Variants in CNTNAP2 observed in about 807,000 individuals in gnomAD.
CNTNAP2 encodes the protein contactin-associated protein-like 2.
In CNTNAP2, 98 loss-of-function variants were observed where a neutral mutation model predicts 155.2. That is an observed-to-expected ratio of 0.63 (90% confidence interval 0.54 to 0.75). The LOEUF (loss-of-function observed/expected upper bound fraction) is 0.75, where lower values mean the gene tolerates loss of function less well. CNTNAP2 is among the 30% of genes least tolerant of loss of function. CNTNAP2 has a pLI of 0.00. For missense variants in CNTNAP2, 1,727 were observed against 1,688.1 expected (o/e 1.02, Z -0.40); for synonymous variants, 651 against 631.2 (o/e 1.03, Z -0.47).
intron 9 of CNTNAP2, among the ~76,000 whole-genome samples, chr7:147,381,932 A>C (rs1769538956): frequency 6.6e-6 from 1 of 152,028 alleles, no homozygotes; most frequent in Non-Finnish European, 1.5e-5. Context: ...TCCATGTATA[A>C]AAATAACATT....
At chr7:146,305,151 T>C (rs1199029649) in intron 1 of CNTNAP2, among the ~76,000 whole-genome samples, 1 of 152,132 alleles carries the variant, frequency 6.6e-6, no homozygotes, top group African/African-American at 2.4e-5. Context: ...CTACACTGTT[T>C]ATTCTAATTA....
chr7:147,587,200 C>T (rs1800646054), intron 12 of CNTNAP2, among the ~76,000 whole-genome samples: 1 of 152,166 alleles, frequency 6.6e-6, no homozygotes, highest in African/African-American at 2.4e-5. Context: ...AATGCAGGGT[C>T]AGCACTTGTG....
rs899377794 is a variant in CNTNAP2, at chr7:146,695,777, T to C, written c.98-78494T>C. Reference sequence around the variant, plus strand: ...CATATATTTAGCATGTACAACATGATGTTTTAAATATGCATATTTTGTTGA... The same window carrying C: ...CATATATTTAGCATGTACAACATGACGTTTTAAATATGCATATTTTGTTGA... On this transcript the variant is annotated intron_variant, in intron 1 of 23. Transcript: ENST00000361727. Among the ~76,000 whole-genome samples, 26 of 152,138 alleles carry C rather than the reference T, an allele frequency of 1.7e-4. 1 individual carries two copies. The highest frequency in any genetic ancestry group is 6.3e-4 in the African/African-American group (26 of 41,452).
chr7:146,671,593 T>C (rs1269256930), intron 1 of CNTNAP2, among the ~76,000 whole-genome samples: 1 of 152,084 alleles, frequency 6.6e-6, no homozygotes, highest in African/African-American at 2.4e-5. Flanking sequence ...GCTTCAAATT[T>C]CCCATACATA....
chr7:147,330,451 G>A (rs1453821797), intron 9 of CNTNAP2, among the ~76,000 whole-genome samples: 3 of 152,180 alleles, frequency 2.0e-5, no homozygotes, highest in African/African-American at 7.2e-5. Context: ...CCCTAGGAGA[G>A]GTTTGTGAGA....
chr7:148,149,417 C>T (rs1301517047), intron 17 of CNTNAP2, among the ~76,000 whole-genome samples: 1 of 152,048 alleles, frequency 6.6e-6, no homozygotes, highest in Non-Finnish European at 1.5e-5. Context: ...AAGAATATCT[C>T]AGGAAGAATG....
chr7:146,940,277 C>T (rs2129225383), intron 3 of CNTNAP2, among the ~76,000 whole-genome samples: 1 of 152,122 alleles, frequency 6.6e-6, no homozygotes, highest in South Asian at 2.1e-4. Context: ...ACGATTTGGG[C>T]TCACTGCAAC....
chr7:147,714,944 T>A (rs953373273), intron 13 of CNTNAP2, among the ~76,000 whole-genome samples: 5 of 152,152 alleles, frequency 3.3e-5, no homozygotes, highest in African/African-American at 9.6e-5. Context: ...GAAGTATGTA[T>A]TCTTTTAAGA....
In CNTNAP2 at chr7:147,903,715, A is replaced by G. The variant is rs1799913949; in HGVS notation, c.2249A>G (p.Lys750Arg). ...KYYCNCDADYKQWRKDAGFLS... is the reference protein window; with the variant it reads ...KYYCNCDADYRQWRKDAGFLS... ...TACTGTAACTGCGACGCGGACTACA[A>G]GCAATGGTGAGTGCCTGCGGGCAGC... Residue 750 changes from lysine (K) to arginine (R), a missense_variant, in exon 14 of 24, where the codon AAG becomes AGG. By Grantham distance (26) the Lys-to-Arg change is conservative (BLOSUM62 2). Transcript: ENST00000361727. The G allele has an allele frequency of 3.7e-6, 6 of 1,613,540 alleles. No homozygotes were observed. The East Asian group carries it at 8.9e-5, about 24-fold the overall frequency.
intron 13 of CNTNAP2, among the ~76,000 whole-genome samples, chr7:147,660,377 T>C (rs1354700388): frequency 6.6e-6 from 1 of 152,178 alleles, no homozygotes; most frequent in Admixed American, 6.6e-5. Context: ...CAGATTACTC[T>C]TAGCCCAAGG....
chr7:146,964,543 A>G (rs1167308544), intron 3 of CNTNAP2, among the ~76,000 whole-genome samples: 2 of 152,190 alleles, frequency 1.3e-5, no homozygotes, highest in Non-Finnish European at 2.9e-5. Context: ...AAGATAAAAT[A>G]TATTACCTCC....
chr7:146,842,226 C>G (rs1016514746), intron 3 of CNTNAP2, among the ~76,000 whole-genome samples: 1 of 151,868 alleles, frequency 6.6e-6, no homozygotes, highest in Non-Finnish European at 1.5e-5. Context: ...ATGGTTGAGT[C>G]GGGGAGACAA....
chr7:147,702,494 T>C (rs1796250564), intron 13 of CNTNAP2, among the ~76,000 whole-genome samples: 1 of 152,006 alleles, frequency 6.6e-6, no homozygotes. Context: ...GAATAAAGAA[T>C]ATTTAAAAGT....
chr7:147,665,751 T>G (rs1321878562), intron 13 of CNTNAP2, among the ~76,000 whole-genome samples: 1 of 152,238 alleles, frequency 6.6e-6, no homozygotes, highest in South Asian at 2.1e-4. Flanking sequence ...GTTAGTTTGC[T>G]AAGAATAATG....
chr7:147,581,758 AAAC>A (rs1446547574), intron 12 of CNTNAP2, among the ~76,000 whole-genome samples: 18 of 152,348 alleles, frequency 1.2e-4, no homozygotes, highest in African/African-American at 4.3e-4. Context: ...ATCTGAAATA[AAAC>A]AACAACAAAA....
intron 11 of CNTNAP2, among the ~76,000 whole-genome samples, chr7:147,489,657 C>G (rs555172734): frequency 6.6e-6 from 1 of 152,138 alleles, no homozygotes; most frequent in Non-Finnish European, 1.5e-5. Context: ...GCTCTGTCAC[C>G]CAGGCTTGAG....
At chr7:146,716,113 T>G (rs537402388) in intron 1 of CNTNAP2, among the ~76,000 whole-genome samples, 51 of 151,372 alleles carry the variant, frequency 3.4e-4, no homozygotes, top group Non-Finnish European at 6.3e-4. Flanking sequence ...ACTGGATACC[T>G]GAAGTATGGA....
At chr7:146,813,812 G>A (rs530943671) in intron 2 of CNTNAP2, among the ~76,000 whole-genome samples, 10 of 152,122 alleles carry the variant, frequency 6.6e-5, no homozygotes, top group Non-Finnish European at 1.5e-4. Context: ...TGTGTCATGG[G>A]AGAGACCCGG....
chr7:147,422,470 T>C (rs1465290336), intron 10 of CNTNAP2, among the ~76,000 whole-genome samples: 1 of 152,048 alleles, frequency 6.6e-6, no homozygotes, highest in African/African-American at 2.4e-5. Flanking sequence ...CCTTATGCAA[T>C]TTTTTACTCT....
Sources: gnomAD v4.1 joint callset for allele counts (sites outside exome capture counted in the v4.1 genomes callset) on GRCh38, gnomAD v4.1.1 for gene constraint, MANE v1.5 for transcripts, NCBI Gene and HGNC (gene_info 2026-07-23, HGNC 2026-07-21) for gene names.